CRPPA: variants seen among roughly 807,000 people sequenced by gnomAD.
The protein encoded by CRPPA is D-ribitol-5-phosphate cytidylyltransferase.
A neutral mutation model predicts 52.0 loss-of-function variants in CRPPA; 43 were observed. The observed-to-expected ratio is 0.83, with a 90% CI of 0.65 to 1.07. The LOEUF is 1.07. Ranked by LOEUF, CRPPA falls within the 50% of genes least tolerant of loss-of-function variation. The pLI is 0.00. For missense variants in CRPPA, 629 were observed against 551.7 expected (o/e 1.14, Z -1.40); for synonymous variants, 250 against 203.5 (o/e 1.23, Z -1.94).
At chr7:16,203,097 C>T (rs1211913432) in intron 9 of CRPPA, among the ~76,000 whole-genome samples, 3 of 151,920 alleles carry the variant, frequency 2.0e-5, no homozygotes, top group African/African-American at 7.3e-5. Context: ...CTTTAAGGTC[C>T]CCTGAAAATC....
intron 3 of CRPPA, among the ~76,000 whole-genome samples, chr7:16,336,152 C>T (rs978112897): frequency 2.6e-5 from 4 of 152,086 alleles, no homozygotes; most frequent in African/African-American, 9.7e-5. Flanking sequence ...GAATTAATAA[C>T]AAAAACCATG....
chr7:16,258,725 A>G (rs2128412405), intron 7 of CRPPA, among the ~76,000 whole-genome samples, 195 bp downstream of exon 7: 1 of 152,144 alleles, frequency 6.6e-6, no homozygotes, highest in South Asian at 2.1e-4. Context: ...AATTGAAAAT[A>G]TTGTCCAAAA....
intron 3 of CRPPA, among the ~76,000 whole-genome samples, chr7:16,360,495 G>A (rs531152290): frequency 1.1e-3 from 172 of 152,260 alleles, no homozygotes; most frequent in African/African-American, 3.9e-3. Context: ...TCGAAACAGT[G>A]TAGTAGTAGC....
chr7:16,163,502 T>C (rs1780966510), intron 9 of CRPPA, among the ~76,000 whole-genome samples: 1 of 152,228 alleles, frequency 6.6e-6, no homozygotes, highest in Non-Finnish European at 1.5e-5. Flanking sequence ...ATTCAGGCAT[T>C]AATCCTGTTT....
intron 8 of CRPPA, among the ~76,000 whole-genome samples, chr7:16,252,586 C>A (rs989766066): frequency 4.7e-4 from 72 of 152,100 alleles, no homozygotes; most frequent in African/African-American, 1.7e-3. Flanking sequence ...TGTATCTCTG[C>A]CAGGCTTTGG....
intron 3 of CRPPA, among the ~76,000 whole-genome samples, chr7:16,344,858 G>C (rs1049123681): frequency 9.9e-5 from 15 of 151,866 alleles, no homozygotes; most frequent in Non-Finnish European, 1.8e-4. Flanking sequence ...ATTATCAGTG[G>C]ATAATAATGA....
intron 9 of CRPPA, among the ~76,000 whole-genome samples, chr7:16,165,819 G>T (rs1781052716): frequency 6.6e-6 from 1 of 152,162 alleles, no homozygotes; most frequent in Non-Finnish European, 1.5e-5. Context: ...GGTACAACTG[G>T]TCAGATGCAC....
intron 6 of CRPPA, among the ~76,000 whole-genome samples, chr7:16,265,627 C>G (rs959677040): frequency 2.6e-5 from 4 of 152,176 alleles, no homozygotes; most frequent in Non-Finnish European, 2.9e-5. Flanking sequence ...CTAATGCACA[C>G]TGCTATATTA....
intron 6 of CRPPA, among the ~76,000 whole-genome samples, chr7:16,260,724 GA>G (rs11368808): frequency 3.9e-4 from 58 of 148,738 alleles, no homozygotes; most frequent in Middle Eastern, 7.1e-3. Context: ...TCTGAACTCA[GA>G]AAAAAAAAAA....
intron 9 of CRPPA, among the ~76,000 whole-genome samples, chr7:16,124,792 T>C (rs1231787284): frequency 6.6e-6 from 1 of 152,138 alleles, no homozygotes; most frequent in South Asian, 2.1e-4. Flanking sequence ...TTATAACACA[T>C]TGTATACATG....
At chr7:16,319,790 G>A (rs1198583810) in intron 3 of CRPPA, among the ~76,000 whole-genome samples, 1 of 152,086 alleles carries the variant, frequency 6.6e-6, no homozygotes, top group African/African-American at 2.4e-5. Flanking sequence ...AGCATCCTAT[G>A]TTCTCCCGGT....
chr7:16,101,282 C>G (rs1181122918), intron 9 of CRPPA, among the ~76,000 whole-genome samples: 1 of 152,132 alleles, frequency 6.6e-6, no homozygotes, highest in African/African-American at 2.4e-5. Flanking sequence ...CTGTCTGGTC[C>G]TGGGCTTTTT....
intron 5 of CRPPA, among the ~76,000 whole-genome samples, chr7:16,283,132 T>C (rs926693086): frequency 2.0e-4 from 31 of 151,972 alleles, no homozygotes; most frequent in Non-Finnish European, 1.2e-4. Context: ...TGATTTTTTA[T>C]GATGTGGGGA....
chr7:16,356,960 T>A (rs947009639), intron 3 of CRPPA, among the ~76,000 whole-genome samples: 2 of 152,132 alleles, frequency 1.3e-5, no homozygotes, highest in Non-Finnish European at 2.9e-5. Context: ...GGGATATCAA[T>A]GAAAAGCCAA....
chr7:16,404,448 G>A (rs973733461), intron 2 of CRPPA, among the ~76,000 whole-genome samples: 3 of 152,040 alleles, frequency 2.0e-5, no homozygotes, highest in Admixed American at 1.3e-4. Context: ...ATTAATTGGA[G>A]CAAGATAAAA....
chr7:16,280,399 T>C (rs979432155), intron 5 of CRPPA, among the ~76,000 whole-genome samples: 2 of 152,214 alleles, frequency 1.3e-5, no homozygotes, highest in Admixed American at 1.3e-4. Flanking sequence ...GGCTTTGTAA[T>C]ATCTTAGGCT....
chr7:16,125,276 A>AAAAAAC (rs1562516450), intron 9 of CRPPA, among the ~76,000 whole-genome samples: 11 of 149,184 alleles, frequency 7.4e-5, no homozygotes, highest in African/African-American at 1.2e-4. Context: ...AAAAAAAAAA[A>AAAAAAC]AAAAACCAAC....
intron 8 of CRPPA, among the ~76,000 whole-genome samples, chr7:16,240,574 CA>C (rs1783076988): frequency 1.5e-5 from 1 of 68,854 alleles, no homozygotes; most frequent in Non-Finnish European, 4.2e-5. Flanking sequence ...ATTACACATA[CA>C]CACACACACA....
intron 6 of CRPPA, among the ~76,000 whole-genome samples, chr7:16,265,632 A>T (rs1030852811): frequency 2.0e-5 from 3 of 152,204 alleles, no homozygotes; most frequent in African/African-American, 7.2e-5. Context: ...GCACACTGCT[A>T]TATTAAATGC....
Sources: gnomAD v4.1 joint callset for allele counts (sites outside exome capture counted in the v4.1 genomes callset) on GRCh38, gnomAD v4.1.1 for gene constraint, MANE v1.5 for transcripts, NCBI Gene and HGNC (gene_info 2026-07-23, HGNC 2026-07-21) for gene names.